Variants in CADM2 observed in about 807,000 individuals in gnomAD.
CADM2 encodes the protein cell adhesion molecule 2.
CADM2 carries 12 observed loss-of-function variants against 49.8 expected under a neutral mutation model. The observed-to-expected ratio is 0.24, with a 90% CI of 0.15 to 0.39. CADM2 has a LOEUF of 0.39. Ranked by LOEUF, CADM2 falls within the 10% of genes least tolerant of loss-of-function variation. The pLI is 1.00. For synonymous variants in CADM2, 214 were observed against 175.4 expected (o/e 1.22, Z -1.74); for missense variants, 378 against 492.3 (o/e 0.77, Z 2.20).
chr3:85,262,259 T>A (rs1283222972), intron 1 of CADM2, among the ~76,000 whole-genome samples: 2 of 152,122 alleles, frequency 1.3e-5, no homozygotes, highest in African/African-American at 4.8e-5. Flanking sequence ...TTCAGGATTT[T>A]AATTTTATTC....
At chr3:85,977,341 A>G (rs1414408903) in intron 8 of CADM2, among the ~76,000 whole-genome samples, 2 of 151,386 alleles carry the variant, frequency 1.3e-5, no homozygotes, top group African/African-American at 4.8e-5. Context: ...ATAATCTGTG[A>G]TAAATTTGGA....
intron 1 of CADM2, among the ~76,000 whole-genome samples, chr3:85,616,432 C>T (rs1392879992): frequency 1.3e-5 from 2 of 152,076 alleles, no homozygotes; most frequent in African/African-American, 2.4e-5. Context: ...AAAGATATGT[C>T]TCTCTGGTTA....
chr3:85,804,366 C>T (rs1300841887), intron 3 of CADM2, among the ~76,000 whole-genome samples: 1 of 151,988 alleles, frequency 6.6e-6, no homozygotes, highest in Non-Finnish European at 1.5e-5. Flanking sequence ...TTTTCCATCC[C>T]TGTGTTTAAT....
chr3:85,985,730 A>C (rs1728021710), intron 8 of CADM2, among the ~76,000 whole-genome samples: 1 of 152,040 alleles, frequency 6.6e-6, no homozygotes, highest in African/African-American at 2.4e-5. Context: ...AGATCTTAAT[A>C]AATAACTACT....
intron 1 of CADM2, among the ~76,000 whole-genome samples, chr3:85,693,453 G>A (rs1161706480): frequency 7.5e-5 from 11 of 146,694 alleles, no homozygotes; most frequent in Non-Finnish European, 1.5e-4. Context: ...AGTGGCGGGC[G>A]CCTGTAGTCC....
intron 1 of CADM2, among the ~76,000 whole-genome samples, chr3:85,175,981 T>A (rs1395271632): frequency 7.5e-6 from 1 of 132,870 alleles, no homozygotes; most frequent in Non-Finnish European, 1.5e-5. Flanking sequence ...CAGGCTGGAG[T>A]GCAGTGGCGG....
intron 1 of CADM2, among the ~76,000 whole-genome samples, chr3:85,661,138 AC>A (rs1395678293): frequency 6.6e-6 from 1 of 152,090 alleles, no homozygotes; most frequent in Non-Finnish European, 1.5e-5. Context: ...GCAGTTCCAT[AC>A]CTCTAATTCA....
At chr3:85,747,745 A>T (rs993781643) in intron 2 of CADM2, among the ~76,000 whole-genome samples, 2 of 152,148 alleles carry the variant, frequency 1.3e-5, no homozygotes, top group Non-Finnish European at 2.9e-5. Context: ...GAACATTTAG[A>T]ATCTCATTAG....
At chr3:85,290,576 AC>A (rs897851115) in intron 1 of CADM2, among the ~76,000 whole-genome samples, 2 of 152,200 alleles carry the variant, frequency 1.3e-5, no homozygotes, top group African/African-American at 2.4e-5. Flanking sequence ...TTCTCCCAGC[AC>A]GCAGCTGGAG....
intron 3 of CADM2, among the ~76,000 whole-genome samples, chr3:85,855,307 T>A (rs1393721485): frequency 6.6e-6 from 1 of 151,964 alleles, no homozygotes; most frequent in Non-Finnish European, 1.5e-5. Context: ...CTAAACTATT[T>A]CTTGAGGGTA....
chr3:85,575,016 G>C (rs2062591106), intron 1 of CADM2, among the ~76,000 whole-genome samples: 1 of 151,972 alleles, frequency 6.6e-6, no homozygotes, highest in Admixed American at 6.6e-5. Context: ...TTTTAAAATT[G>C]CCCTCTTTAA....
chr3:85,488,188 C>T (rs2039509586), intron 1 of CADM2, among the ~76,000 whole-genome samples: 1 of 152,140 alleles, frequency 6.6e-6, no homozygotes, highest in South Asian at 2.1e-4. Context: ...TCTTACTAAG[C>T]CTGTGGGCTA....
intron 1 of CADM2, among the ~76,000 whole-genome samples, chr3:85,236,741 T>C (rs2042415858): frequency 6.6e-6 from 1 of 152,112 alleles, no homozygotes; most frequent in African/African-American, 2.4e-5. Flanking sequence ...TACGTATTAA[T>C]GGATTTCAAA....
intron 8 of CADM2, among the ~76,000 whole-genome samples, chr3:86,009,854 A>G (rs1577937819): frequency 6.6e-6 from 1 of 152,022 alleles, no homozygotes; most frequent in African/African-American, 2.4e-5. Context: ...GTATATATAC[A>G]TTGAGAAATG....
chr3:85,666,725 C>A (rs1477334242), intron 1 of CADM2, among the ~76,000 whole-genome samples: 6 of 151,550 alleles, frequency 4.0e-5, no homozygotes, highest in Admixed American at 1.3e-4. Flanking sequence ...TGGGACTGAA[C>A]AACTGTCCCG....
At chr3:85,946,456 G>A (rs574172714) in intron 7 of CADM2, among the ~76,000 whole-genome samples, 1 of 152,170 alleles carries the variant, frequency 6.6e-6, no homozygotes, top group East Asian at 1.9e-4. Context: ...AACCAAAAAA[G>A]AGCCCGCATC....
chr3:85,103,616 T>C (rs2038096790), intron 1 of CADM2, among the ~76,000 whole-genome samples: 1 of 152,202 alleles, frequency 6.6e-6, no homozygotes, highest in Non-Finnish European at 1.5e-5. Context: ...CATTTAATGC[T>C]AGCTTGCAGC....
At chr3:85,266,839 G>C (rs1221431448) in intron 1 of CADM2, among the ~76,000 whole-genome samples, 1 of 151,782 alleles carries the variant, frequency 6.6e-6, no homozygotes, top group African/African-American at 2.4e-5. Flanking sequence ...TCAATGACTT[G>C]ACATTGCTAG....
At chr3:85,241,487 A>T (rs2042527988) in intron 1 of CADM2, among the ~76,000 whole-genome samples, 1 of 151,642 alleles carries the variant, frequency 6.6e-6, no homozygotes, top group South Asian at 2.1e-4. Context: ...TATAAATCTA[A>T]ATGTCCCTGG....
Sources: gnomAD v4.1 joint callset for allele counts (sites outside exome capture counted in the v4.1 genomes callset) on GRCh38, gnomAD v4.1.1 for gene constraint, MANE v1.5 for transcripts, NCBI Gene and HGNC (gene_info 2026-07-23, HGNC 2026-07-21) for gene names.